The following ROBO2 variants were observed in gnomAD, a reference collection of about 807,000 sequenced individuals.
ROBO2 encodes the protein roundabout homolog 2.
In ROBO2, 53 loss-of-function variants were observed where a neutral mutation model predicts 160.8. That is an observed-to-expected ratio of 0.33 (90% confidence interval 0.26 to 0.41). The LOEUF (loss-of-function observed/expected upper bound fraction) is 0.41. ROBO2 is among the 10% of genes least tolerant of loss of function. The pLI is 1.00. For missense variants in ROBO2, 1,577 were observed against 1,722.4 expected (o/e 0.92, Z 1.49); for synonymous variants, 664 against 611.7 (o/e 1.09, Z -1.26).
At chr3:76,923,816 T>C (rs2076816987) in intron 2 of ROBO2, among the ~76,000 whole-genome samples, 1 of 152,254 alleles carries the variant, frequency 6.6e-6, no homozygotes, top group Admixed American at 6.5e-5. Flanking sequence ...CTTTCTGTGC[T>C]TCTCCCAAGT....
At chr3:77,124,752 T>A (rs1206206254) in intron 2 of ROBO2, among the ~76,000 whole-genome samples, 1 of 152,076 alleles carries the variant, frequency 6.6e-6, no homozygotes, top group Non-Finnish European at 1.5e-5. Context: ...AGGCAACCAT[T>A]TTTAGTTCCA....
chr3:77,089,069 AT>A lies in ROBO2; in HGVS notation c.62-8943del, dbSNP rs370458861. ...ATAGTACAAAAAACCAGTTTAGGTAATTGCTTAAGGTGATATAACTAACCAT... is the reference window on the plus strand; with the variant it reads ...ATAGTACAAAAAACCAGTTTAGGTAATGCTTAAGGTGATATAACTAACCAT... On this transcript the variant is annotated intron_variant, in intron 1 of 25. Transcript: ENST00000461745. Among the ~76,000 whole-genome samples, 413 of 152,338 alleles carry A rather than the reference AT, an allele frequency of 2.7e-3. 1 individual carries two copies. Among genetic ancestry groups the A allele is most frequent in the Non-Finnish European group, 4.0e-3 (271 of 68,026 alleles).
intron 2 of ROBO2, among the ~76,000 whole-genome samples, chr3:76,249,657 G>A (rs6764741): frequency 0.91 from 138,710 of 152,126 alleles, 63,459 homozygotes; most frequent in Middle Eastern, 0.98. Flanking sequence ...GTGTGTCTAT[G>A]GAATAATAAT....
intron 2 of ROBO2, among the ~76,000 whole-genome samples, chr3:76,006,817 A>G (rs939785959): frequency 1.6e-4 from 24 of 152,110 alleles, no homozygotes; most frequent in African/African-American, 5.5e-4. Flanking sequence ...CCTAAAATGC[A>G]GACTATCCTG....
chr3:76,208,835 A>G (rs62267401), intron 2 of ROBO2, among the ~76,000 whole-genome samples: 68,749 of 151,754 alleles, frequency 0.45, 15,890 homozygotes, highest in Non-Finnish European at 0.49. Context: ...TCTGGCTTCC[A>G]AAACGACACT....
chr3:77,497,992 A>T (rs565386763), intron 5 of ROBO2, among the ~76,000 whole-genome samples: 359 of 150,446 alleles, frequency 2.4e-3, no homozygotes, highest in African/African-American at 7.5e-3. Context: ...TGAGAATTTT[A>T]AAAAAAATCC....
At chr3:76,559,601 G>A (rs1302501427) in intron 2 of ROBO2, among the ~76,000 whole-genome samples, 3 of 152,114 alleles carry the variant, frequency 2.0e-5, no homozygotes, top group Non-Finnish European at 2.9e-5. Flanking sequence ...TTGGCCAAAA[G>A]CGGTGGGATG....
intron 2 of ROBO2, among the ~76,000 whole-genome samples, chr3:76,481,165 A>C (rs1381819433): frequency 1.3e-5 from 2 of 152,266 alleles, no homozygotes; most frequent in East Asian, 3.9e-4. Flanking sequence ...ATGTTGGCTC[A>C]GAGGCATCTT....
At chr3:75,987,693 T>C (rs1423152680) in intron 2 of ROBO2, among the ~76,000 whole-genome samples, 1 of 152,050 alleles carries the variant, frequency 6.6e-6, no homozygotes, top group African/African-American at 2.4e-5. Context: ...TGAATATTTA[T>C]ATATGGATTT....
intron 2 of ROBO2, among the ~76,000 whole-genome samples, chr3:76,842,052 C>T (rs2068327868): frequency 6.6e-6 from 1 of 152,144 alleles, no homozygotes; most frequent in African/African-American, 2.4e-5. Flanking sequence ...TGGAACATTC[C>T]ACTAGAAATC....
chr3:77,061,810 T>G (rs138618667), intron 1 of ROBO2, among the ~76,000 whole-genome samples: 2 of 152,138 alleles, frequency 1.3e-5, no homozygotes, highest in African/African-American at 2.4e-5. Flanking sequence ...AATTAACATA[T>G]AGGGACAAAG....
intron 2 of ROBO2, among the ~76,000 whole-genome samples, chr3:76,745,439 C>G (rs1332056720): frequency 6.6e-6 from 1 of 152,058 alleles, no homozygotes; most frequent in Non-Finnish European, 1.5e-5. Flanking sequence ...TCTAGATAAT[C>G]CTAGAATGAT....
chr3:77,569,825 G>T (rs561411965), intron 13 of ROBO2, among the ~76,000 whole-genome samples: 1 of 151,672 alleles, frequency 6.6e-6, no homozygotes, highest in Non-Finnish European at 1.5e-5. Context: ...GTACAAAATT[G>T]GGTTGTATAT....
chr3:77,376,012 T>G (rs184671564), intron 2 of ROBO2, among the ~76,000 whole-genome samples: 9 of 152,252 alleles, frequency 5.9e-5, no homozygotes, highest in Admixed American at 3.9e-4. Flanking sequence ...TTTCTATGGC[T>G]CTTTGGCATC....
At chr3:76,911,682 A>T (rs2075999329) in intron 2 of ROBO2, among the ~76,000 whole-genome samples, 1 of 152,194 alleles carries the variant, frequency 6.6e-6, no homozygotes, top group South Asian at 2.1e-4. Context: ...AGATTTTTTT[A>T]ATTCTCAAAA....
intron 2 of ROBO2, among the ~76,000 whole-genome samples, chr3:77,221,542 TTCTC>T (rs138371901): frequency 3.3e-5 from 5 of 151,740 alleles, no homozygotes; most frequent in Admixed American, 3.3e-4. Flanking sequence ...CCGCCCCCTC[TTCTC>T]TCTCTCTCTG....
chr3:76,054,036 T>C (rs1401317898), intron 2 of ROBO2, among the ~76,000 whole-genome samples: 1 of 152,162 alleles, frequency 6.6e-6, no homozygotes, highest in Admixed American at 6.5e-5. Flanking sequence ...ACCAAAGACA[T>C]TAACAAACAT....
intron 2 of ROBO2, among the ~76,000 whole-genome samples, chr3:77,231,363 C>CAAAAAA (rs60535204): frequency 1.5e-4 from 9 of 59,602 alleles, no homozygotes; most frequent in Admixed American, 4.5e-4. Context: ...AGACTCCATC[C>CAAAAAA]AAAAAAAAAA....
At chr3:76,235,186 A>C (rs2107489599) in intron 2 of ROBO2, among the ~76,000 whole-genome samples, 1 of 152,280 alleles carries the variant, frequency 6.6e-6, no homozygotes, top group South Asian at 2.1e-4. Flanking sequence ...TAGGTAACCA[A>C]GTTAAGATGG....
Sources: allele counts gnomAD v4.1 joint callset (sites outside exome capture counted in the v4.1 genomes callset), GRCh38; gene constraint gnomAD v4.1.1; transcripts MANE v1.5; gene names NCBI Gene and HGNC (gene_info 2026-07-23, HGNC 2026-07-21).